The following GREB1L variants were observed in gnomAD, a reference collection of about 807,000 sequenced individuals.
GREB1L encodes GREB1 like retinoic acid receptor coactivator.
Under a neutral mutation model 200.8 loss-of-function variants are expected in GREB1L, and 17 were observed. That is an observed-to-expected ratio of 0.08 (90% CI 0.06 to 0.13). GREB1L has a LOEUF of 0.13. GREB1L is among the 10% of genes least tolerant of loss of function. The pLI is 1.00. For synonymous variants in GREB1L, 789 were observed against 893.0 expected (o/e 0.88, Z 2.08); for missense variants, 1,657 against 2,367.7 (o/e 0.70, Z 6.23).
At chr18:21,465,645 G>A (rs1275905681) in intron 15 of GREB1L, among the ~76,000 whole-genome samples, 2 of 152,148 alleles carry the variant, frequency 1.3e-5, no homozygotes, top group Non-Finnish European at 2.9e-5. Context: ...AAAATAGAAT[G>A]TGAAGTTAAA....
chr18:21,335,604 A>G (rs2039172674), intron 1 of GREB1L, among the ~76,000 whole-genome samples: 1 of 152,068 alleles, frequency 6.6e-6, no homozygotes, highest in South Asian at 2.1e-4. Context: ...GCTGTTGAGC[A>G]TTTAAACTAA....
At chr18:21,481,626 C>T (rs373419738) in intron 17 of GREB1L, among the ~76,000 whole-genome samples, 57 of 152,004 alleles carry the variant, frequency 3.7e-4, no homozygotes, top group Middle Eastern at 6.8e-3. Flanking sequence ...TACCACCACC[C>T]GAGAAGTCCT....
chr18:21,398,765 G>A (rs1598758752), intron 5 of GREB1L, among the ~76,000 whole-genome samples: 1 of 152,236 alleles, frequency 6.6e-6, no homozygotes, highest in Non-Finnish European at 1.5e-5. Context: ...GACCATGGGG[G>A]AATTGATTTA....
At chr18:21,325,139 C>A (rs529445451) in intron 1 of GREB1L, among the ~76,000 whole-genome samples, 1 of 152,274 alleles carries the variant, frequency 6.6e-6, no homozygotes, top group South Asian at 2.1e-4. Flanking sequence ...TTCCTAATGA[C>A]ACTGAAGTCT....
At chr18:21,396,145 A>G (rs2041055635) in intron 5 of GREB1L, among the ~76,000 whole-genome samples, 2 of 151,340 alleles carry the variant, frequency 1.3e-5, no homozygotes, top group African/African-American at 4.9e-5. Context: ...CCTGGGTTCA[A>G]GCAATCCTCC....
intron 2 of GREB1L, among the ~76,000 whole-genome samples, chr18:21,374,523 T>C (rs536153719): frequency 6.6e-6 from 1 of 152,332 alleles, no homozygotes; most frequent in South Asian, 2.1e-4. Flanking sequence ...AGCTTAGAAA[T>C]ACATATTTTA....
chr18:21,351,791 T>C (rs1332333271), intron 1 of GREB1L, among the ~76,000 whole-genome samples: 1 of 152,182 alleles, frequency 6.6e-6, no homozygotes, highest in Non-Finnish European at 1.5e-5. Flanking sequence ...TCCTGTATGG[T>C]CATGGAAAGT....
intron 15 of GREB1L, among the ~76,000 whole-genome samples, chr18:21,460,348 T>C (rs773956376): frequency 6.6e-6 from 1 of 152,032 alleles, no homozygotes; most frequent in Non-Finnish European, 1.5e-5. Flanking sequence ...CTAATTTTTT[T>C]GTTTGTTTAT....
rs750574438 is a variant in GREB1L, at chr18:21,522,875, A to C, written c.*54A>C. ...GATGCCTAGGTGGGATGGGACAGAA[A>C]CAATTTGGGATTTTTCTTTTTCCTT... is the stretch of plus-strand genomic sequence containing the variant. On this transcript the variant is annotated 3_prime_UTR_variant, in exon 33 of 33. Coordinates refer to ENST00000424526, the MANE Select transcript of GREB1L (RefSeq NM_001142966.3). 144 of 1,440,840 alleles carry C rather than the reference A, an allele frequency of 1.0e-4. No homozygotes were observed. The highest frequency in any genetic ancestry group is 1.3e-4 in the Non-Finnish European group (135 of 1,078,872). The allele number at this position is 1,440,840 out of a possible 1,614,324, so 89.3% of individuals were successfully genotyped here. A position where few individuals can be genotyped will look rare whatever the true frequency, so the allele number is the denominator to read the frequency against.
chr18:21,409,525 T>C (rs1462659027), intron 7 of GREB1L, among the ~76,000 whole-genome samples: 1 of 152,234 alleles, frequency 6.6e-6, no homozygotes, highest in Non-Finnish European at 1.5e-5. Context: ...ATTTTATACA[T>C]AAAGTATGCC....
chr18:21,466,920 C>A (rs1292132569), intron 15 of GREB1L, among the ~76,000 whole-genome samples: 2 of 152,114 alleles, frequency 1.3e-5, no homozygotes, highest in Non-Finnish European at 2.9e-5. Flanking sequence ...TATAGATAAA[C>A]AAGATGGTAT....
intron 17 of GREB1L, among the ~76,000 whole-genome samples, chr18:21,480,382 T>TTAGA (rs2035871679): frequency 6.6e-6 from 1 of 152,084 alleles, no homozygotes; most frequent in Non-Finnish European, 1.5e-5. Context: ...GCTTCTTATC[T>TTAGA]TAGATATATC....
chr18:21,468,688 C>T (rs990954496), intron 15 of GREB1L: 27 of 456,408 alleles, frequency 5.9e-5, no homozygotes, highest in Non-Finnish European at 1.2e-4. Context: ...CGAAAGATCT[C>T]ACCAATCTTT....
At chr18:21,395,130 AAAAG>A (rs1344633626) in intron 4 of GREB1L, among the ~76,000 whole-genome samples, 1 of 151,386 alleles carries the variant, frequency 6.6e-6, no homozygotes, top group Non-Finnish European at 1.5e-5. Flanking sequence ...AAAGAAAAAA[AAAAG>A]AAAAAATATG....
Position 21,523,091 on chromosome 18 carries a change from G to C in GREB1L, c.*270G>C, listed in dbSNP as rs1237198124. 9.7e-6 allele frequency: 3 copies of C among 309,600 alleles called. No individual in the cohort carries two copies. Among genetic ancestry groups the C allele is most frequent in the Non-Finnish European group, 1.8e-5 (3 of 169,076 alleles). 19.2% of individuals were successfully genotyped at this position (309,600 alleles called of 1,614,324 possible). ...AGATACGGTCTGCCCATGGGATCCT[G>C]AGGAGGATATACTTTGGAGAGTGAA... On this transcript the variant is annotated 3_prime_UTR_variant, in exon 33 of 33. Transcript: ENST00000424526.
At chr18:21,504,509 C>A (rs1417702974) in intron 23 of GREB1L, among the ~76,000 whole-genome samples, 1 of 152,176 alleles carries the variant, frequency 6.6e-6, no homozygotes, top group African/African-American at 2.4e-5. Flanking sequence ...GCATTCTAGC[C>A]TGAGTGACAG....
intron 17 of GREB1L, among the ~76,000 whole-genome samples, chr18:21,484,869 A>G (rs2036068121): frequency 6.6e-6 from 1 of 152,202 alleles, no homozygotes; most frequent in Non-Finnish European, 1.5e-5. Flanking sequence ...GGCACAGGCA[A>G]CATGACAGCA....
chr18:21,327,196 A>G (rs1203350664), intron 1 of GREB1L, among the ~76,000 whole-genome samples: 1 of 152,242 alleles, frequency 6.6e-6, no homozygotes, highest in Non-Finnish European at 1.5e-5. Context: ...TTAGTAACAC[A>G]AGGTAAACAG....
chr18:21,371,965 A>G (rs150685244), intron 2 of GREB1L, among the ~76,000 whole-genome samples: 131 of 152,280 alleles, frequency 8.6e-4, no homozygotes, highest in African/African-American at 3.1e-3. Context: ...TTTGCCCAAT[A>G]TCATACTAGG....
Sources: allele counts gnomAD v4.1 joint callset (sites outside exome capture counted in the v4.1 genomes callset), GRCh38; gene constraint gnomAD v4.1.1; transcripts MANE v1.5; gene names NCBI Gene and HGNC (gene_info 2026-07-23, HGNC 2026-07-21).